Variants in SMPD4 observed in about 807,000 individuals in gnomAD.
The protein encoded by SMPD4 is sphingomyelin phosphodiesterase 4.
In SMPD4, 58 loss-of-function variants were observed where a neutral mutation model predicts 97.8. That is an observed-to-expected ratio of 0.59 (90% CI 0.48 to 0.74). The LOEUF (loss-of-function observed/expected upper bound fraction) is 0.74. SMPD4 is among the 30% of genes least tolerant of loss of function. SMPD4 has a pLI of 0.00. For synonymous variants in SMPD4, 388 were observed against 450.0 expected (o/e 0.86, Z 1.74); for missense variants, 853 against 1,080.5 (o/e 0.79, Z 2.95).
chr2:130,171,751 G>A (rs945410711), intron 8 of SMPD4, among the ~76,000 whole-genome samples: 1 of 152,240 alleles, frequency 6.6e-6, no homozygotes, highest in African/African-American at 2.4e-5. Context: ...CCTGGGGAAG[G>A]CGATGGGCCA....
chr2:130,181,192 G>A (rs942591093), intron 1 of SMPD4: 3 of 1,045,084 alleles, frequency 2.9e-6, no homozygotes, highest in Non-Finnish European at 3.6e-6. Context: ...CCCACACCCG[G>A]CTCTTACACC....
intron 11 of SMPD4, 36 bp from the exon 12 acceptor site, chr2:130,157,432 A>G (rs756697472): frequency 6.8e-6 from 11 of 1,610,468 alleles, no homozygotes; most frequent in South Asian, 6.6e-5. Flanking sequence ...CCTGGGAAGG[A>G]GCGTGGCACC....
intron 1 of SMPD4, among the ~76,000 whole-genome samples, chr2:130,178,337 A>AC (rs1227270623): frequency 6.6e-6 from 1 of 152,136 alleles, no homozygotes; most frequent in Admixed American, 6.6e-5. Context: ...TAATTCACTT[A>AC]CCCCCACCCA....
chr2:130,173,209 T>C (rs1688643625), intron 5 of SMPD4, 70 bp downstream of exon 5: 1 of 1,419,414 alleles, frequency 7.0e-7, no homozygotes, highest in Admixed American at 2.0e-5. Flanking sequence ...TGGAGGAGAT[T>C]GCCCATCACC....
intron 8 of SMPD4, among the ~76,000 whole-genome samples, chr2:130,171,146 T>TTG (rs1553438317): frequency 7.3e-5 from 11 of 151,196 alleles, no homozygotes; most frequent in Admixed American, 2.6e-4. Flanking sequence ...TTTTTTTTTT[T>TTG]TGTGTGTGTG....
rs35057032 is a variant in SMPD4, at chr2:130,162,761, C to T, written c.865-1489G>A. Among the ~76,000 whole-genome samples the T allele has an allele frequency of 3.9e-5, 6 of 152,358 alleles. No individual in the cohort carries two copies. In the East Asian group the frequency reaches 5.8e-4, roughly 15 times the overall value. On this transcript the variant is annotated intron_variant, in intron 10 of 19. Coordinates refer to ENST00000680298, the MANE Select transcript of SMPD4 (RefSeq NM_017951.5). The stretch of plus-strand genomic sequence containing the variant: ...GCAAGAAGCCTTGGGAGACACAGAC[C>T]TCCACAGCTGCCTTTCTCTGACTCC...
chr2:130,158,775 C>T (rs2104825883), intron 11 of SMPD4, among the ~76,000 whole-genome samples: 1 of 152,246 alleles, frequency 6.6e-6, no homozygotes, highest in South Asian at 2.1e-4. Context: ...ATGCTCGCCT[C>T]TCCACACTTG....
intron 11 of SMPD4, among the ~76,000 whole-genome samples, chr2:130,158,955 C>T (rs766097686): frequency 4.6e-5 from 7 of 152,174 alleles, no homozygotes; most frequent in Admixed American, 2.0e-4. Flanking sequence ...AGTGACACAC[C>T]CCAGAGATAA....
rs370230506 is a variant in SMPD4 at position 130,152,745 on chromosome 2, C to T, written c.2294G>A (p.Arg765His). Reference sequence around the variant, plus strand: ...GAAGCGCAGGCTGAGCCTGGGGCCGCGGGTGTGGCCGGCCACCTGCCTCCG... The same window carrying T: ...GAAGCGCAGGCTGAGCCTGGGGCCGTGGGTGTGGCCGGCCACCTGCCTCCG... Reference protein sequence around the residue: ...VGRRQVAGHTRGPRLSLRFLG... With the variant: ...VGRRQVAGHTHGPRLSLRFLG... The change falls in exon 20 of 20, where the codon CGC becomes CAC. Residue 765 changes from arginine (R) to histidine (H), a missense_variant. By Grantham distance (29) the Arg-to-His change is conservative. This residue lies in a region of SMPD4 where 511 missense variants were observed against 608.1 expected (regional missense o/e 0.84). Transcript: ENST00000680298. The T allele has an allele frequency of 1.9e-4, 303 of 1,593,516 alleles. 1 individual carries two copies. The highest frequency in any genetic ancestry group is 7.5e-4 in the Middle Eastern group (4 of 5,346).
chr2:130,169,188 C>T (rs1044781017), intron 8 of SMPD4, among the ~76,000 whole-genome samples: 22 of 152,202 alleles, frequency 1.4e-4, no homozygotes, highest in Non-Finnish European at 2.9e-4. Flanking sequence ...AAATACCACA[C>T]AGCCTAAGGG....
chr2:130,155,265 G>A lies in SMPD4; in HGVS notation c.1290-6C>T, dbSNP rs757892581. 6.2e-7 allele frequency: 1 copy of A among 1,613,924 alleles called. No homozygotes were observed. Among genetic ancestry groups the A allele is most frequent in the Admixed American group, 1.7e-5 (1 of 60,022 alleles). The stretch of plus-strand genomic sequence containing the variant: ...TCTCCTGGACAAAGGGTGCCCTGGG[G>A]ACCGAGGTGGCAGGTTGGGGCCAGC... On this transcript the variant is annotated splice_polypyrimidine_tract_variant and splice_region_variant and intron_variant, in intron 14 of 19. Coordinates refer to ENST00000680298, the MANE Select transcript of SMPD4 (RefSeq NM_017951.5).
At chr2:130,170,499 T>C (rs1359632273) in intron 8 of SMPD4, among the ~76,000 whole-genome samples, 2 of 144,412 alleles carry the variant, frequency 1.4e-5, no homozygotes, top group African/African-American at 5.2e-5. Context: ...AGTGTAGTGG[T>C]TCATGCCTGT....
At chr2:130,173,171 A>G (rs1165827244) in intron 5 of SMPD4, 108 bp downstream of exon 5, 2 of 1,150,530 alleles carry the variant, frequency 1.7e-6, no homozygotes, top group Admixed American at 4.2e-5. Flanking sequence ...CCTGGAACGA[A>G]TCGCTCCTCA....
At chr2:130,177,595 G>A (rs1689091683) in intron 1 of SMPD4, among the ~76,000 whole-genome samples, 1 of 151,822 alleles carries the variant, frequency 6.6e-6, no homozygotes, top group Non-Finnish European at 1.5e-5. Context: ...TACTCAGGAG[G>A]CTGAGACCCG....
intron 4 of SMPD4, 55 bp from the exon 5 acceptor site, chr2:130,173,409 T>A: frequency 1.2e-6 from 2 of 1,604,092 alleles, no homozygotes; most frequent in Non-Finnish European, 1.7e-6. Flanking sequence ...CTGCGAATTA[T>A]CTTGCTTTGA....
At chr2:130,167,246 G>A (rs1337992201) in intron 9 of SMPD4, among the ~76,000 whole-genome samples, 4 of 151,984 alleles carry the variant, frequency 2.6e-5, no homozygotes, top group Middle Eastern at 3.4e-3. Context: ...TCAGCCTCCC[G>A]AGTAGCTGGG....
At chr2:130,154,981 G>A (rs377548311) in intron 15 of SMPD4, 115 bp downstream of exon 15, 29 of 1,361,542 alleles carry the variant, frequency 2.1e-5, no homozygotes, top group South Asian at 1.4e-4. Flanking sequence ...ACCCTTTGCC[G>A]GGGCCCACTC....
intron 9 of SMPD4, among the ~76,000 whole-genome samples, chr2:130,166,147 A>T (rs930678412): frequency 2.6e-5 from 4 of 151,934 alleles, no homozygotes; most frequent in African/African-American, 9.7e-5. Flanking sequence ...CATCTCTACT[A>T]AAAATGCAAA....
intron 8 of SMPD4, among the ~76,000 whole-genome samples, chr2:130,169,384 A>G (rs1192730061): frequency 1.3e-5 from 2 of 152,194 alleles, no homozygotes; most frequent in Non-Finnish European, 2.9e-5. Flanking sequence ...GTGACTATAT[A>G]GGATAATGCA....
Sources: gnomAD v4.1 joint callset for allele counts (sites outside exome capture counted in the v4.1 genomes callset) on GRCh38, gnomAD v4.1.1 for gene constraint, gnomAD v4.1.1 regional missense constraint, MANE v1.5 for transcripts, NCBI Gene and HGNC (gene_info 2026-07-23, HGNC 2026-07-21) for gene names.